Variants in BRINP3 observed in about 807,000 individuals in gnomAD.
BRINP3 encodes BMP/retinoic acid-inducible neural-specific protein 3.
A neutral mutation model predicts 71.0 loss-of-function variants in BRINP3; 19 were observed. That is an observed-to-expected ratio of 0.27 (90% CI 0.19 to 0.39). BRINP3 has a LOEUF of 0.39. Among genes scored for constraint, BRINP3 ranks in the 10% least tolerant of loss-of-function variants. The probability of loss-of-function intolerance (pLI) is 1.00; values close to 1 mark genes in which losing one functional copy is unlikely to be tolerated. For synonymous variants in BRINP3, 380 were observed against 337.7 expected, an observed-to-expected ratio of 1.13 and a Z score of -1.37; for missense variants, 959 against 940.8, an observed-to-expected ratio of 1.02 and a Z score of -0.25.
At chr1:190,276,882 A>G (rs909756903) in intron 3 of BRINP3, among the ~76,000 whole-genome samples, 1 of 150,788 alleles carries the variant, frequency 6.6e-6, no homozygotes, top group Admixed American at 6.7e-5. Context: ...CAGAAAAAAA[A>G]TTAAAAGGAC....
chr1:190,266,390 A>T (rs956569906), intron 3 of BRINP3, among the ~76,000 whole-genome samples: 1 of 152,190 alleles, frequency 6.6e-6, no homozygotes, highest in Non-Finnish European at 1.5e-5. Flanking sequence ...TTCAACAAAT[A>T]TTATTTCTAA....
chr1:190,180,340 C>G (rs2102532325), intron 6 of BRINP3, among the ~76,000 whole-genome samples: 1 of 152,170 alleles, frequency 6.6e-6, no homozygotes, highest in Admixed American at 6.6e-5. Flanking sequence ...ATGTGCACTT[C>G]TATAGATATA....
intron 6 of BRINP3, among the ~76,000 whole-genome samples, chr1:190,205,511 C>A (rs897801533): frequency 4.6e-5 from 7 of 151,974 alleles, no homozygotes; most frequent in African/African-American, 1.7e-4. Flanking sequence ...GGGAGTTGGG[C>A]AAAAGGTGCA....
At chr1:190,114,363 T>C (rs904515416) in intron 7 of BRINP3, among the ~76,000 whole-genome samples, 1 of 152,124 alleles carries the variant, frequency 6.6e-6, no homozygotes, top group African/African-American at 2.4e-5. Flanking sequence ...CTCAGGTATT[T>C]ATAATAATGC....
chr1:190,209,711 T>C (rs1005144403), intron 6 of BRINP3, among the ~76,000 whole-genome samples: 1 of 152,152 alleles, frequency 6.6e-6, no homozygotes, highest in Non-Finnish European at 1.5e-5. Context: ...TTTCACATAA[T>C]ATATCTTGAC....
chr1:190,378,798 A>T (rs1452685746), intron 2 of BRINP3, among the ~76,000 whole-genome samples: 1 of 152,130 alleles, frequency 6.6e-6, no homozygotes, highest in African/African-American at 2.4e-5. Context: ...TAGCAGTCCC[A>T]TTATAAGATC....
intron 6 of BRINP3, among the ~76,000 whole-genome samples, chr1:190,201,880 G>T (rs926136175): frequency 2.6e-5 from 4 of 152,184 alleles, no homozygotes; most frequent in South Asian, 4.1e-4. Flanking sequence ...CCAGGCAGAA[G>T]TTTGTTGCAG....
chr1:190,110,269 T>G (rs1652551553), intron 7 of BRINP3, among the ~76,000 whole-genome samples: 1 of 152,142 alleles, frequency 6.6e-6, no homozygotes, highest in African/African-American at 2.4e-5. Flanking sequence ...GTAGAACTCA[T>G]GCTCTCAACC....
intron 1 of BRINP3, chr1:190,474,449 A>C (rs1007325366): frequency 1.3e-5 from 2 of 152,794 alleles, no homozygotes; most frequent in East Asian, 3.9e-4. Flanking sequence ...TGTAACACGC[A>C]AAAGAAAGTC....
intron 7 of BRINP3, among the ~76,000 whole-genome samples, chr1:190,130,809 G>A (rs1654475664): frequency 6.6e-6 from 1 of 151,940 alleles, no homozygotes; most frequent in Non-Finnish European, 1.5e-5. Flanking sequence ...AACAGGCGGT[G>A]CTTTCCCACA....
intron 7 of BRINP3, among the ~76,000 whole-genome samples, chr1:190,133,241 T>G (rs1654689798): frequency 6.6e-6 from 1 of 152,160 alleles, no homozygotes; most frequent in Non-Finnish European, 1.5e-5. Flanking sequence ...CTTGTAACAC[T>G]GCATCTATGG....
chr1:190,413,347 C>T (rs979170751), intron 2 of BRINP3, among the ~76,000 whole-genome samples: 1 of 152,100 alleles, frequency 6.6e-6, no homozygotes, highest in African/African-American at 2.4e-5. Flanking sequence ...GATGATGTCA[C>T]CTATAAAGGC....
chr1:190,301,175 AC>A (rs1664666248), intron 2 of BRINP3, among the ~76,000 whole-genome samples: 2 of 55,742 alleles, frequency 3.6e-5, no homozygotes, highest in Non-Finnish European at 7.5e-5. Context: ...ACATATATAT[AC>A]ATATATATAT....
At chr1:190,122,057 T>C (rs1347936512) in intron 7 of BRINP3, among the ~76,000 whole-genome samples, 1 of 152,170 alleles carries the variant, frequency 6.6e-6, no homozygotes, top group Non-Finnish European at 1.5e-5. Flanking sequence ...ATGTTTCAAC[T>C]GACATGATTC....
chr1:190,201,206 A>G (rs891951703), intron 6 of BRINP3, among the ~76,000 whole-genome samples: 1 of 152,180 alleles, frequency 6.6e-6, no homozygotes. Flanking sequence ...GAACTTGTTG[A>G]CAATTGGAGC....
At chr1:190,229,687 C>CACACACAA (rs1321166840) in intron 5 of BRINP3, among the ~76,000 whole-genome samples, 2 of 145,678 alleles carry the variant, frequency 1.4e-5, no homozygotes, top group Non-Finnish European at 3.0e-5. Context: ...CACACACACA[C>CACACACAA]ACAAAGAAAC....
chr1:190,208,907 A>T (rs570115635), intron 6 of BRINP3, among the ~76,000 whole-genome samples: 1 of 152,152 alleles, frequency 6.6e-6, no homozygotes, highest in Non-Finnish European at 1.5e-5. Context: ...AAAGTAAAAA[A>T]AAATACAATC....
intron 2 of BRINP3, among the ~76,000 whole-genome samples, chr1:190,324,585 A>C (rs1463373416): frequency 6.6e-6 from 1 of 151,968 alleles, no homozygotes; most frequent in Non-Finnish European, 1.5e-5. Context: ...ATATTTGCTT[A>C]AGTTTGGTAA....
rs1404946064 is a variant in BRINP3, at chr1:190,245,819, C to T, written c.619-11342G>A. Among the ~76,000 whole-genome samples the T allele has an allele frequency of 2.1e-5, 3 of 142,580 alleles. No individual in the cohort carries two copies. In the East Asian group the frequency reaches 6.4e-4, roughly 30 times the overall value. The allele number at this position is 142,580 out of a possible 152,430, so 93.5% of individuals were successfully genotyped here. A position where few individuals can be genotyped will look rare whatever the true frequency, so the allele number is the denominator to read the frequency against. ...TTCCTGTGTCCATGTGTTCTCAATG[C>T]TCAGTTCCCACCTATGAGTGAGAAC... On this transcript the variant is annotated intron_variant, in intron 4 of 7. Coordinates refer to ENST00000367462, the MANE Select transcript of BRINP3 (RefSeq NM_199051.3).
Sources: allele counts gnomAD v4.1 joint callset (sites outside exome capture counted in the v4.1 genomes callset), GRCh38; gene constraint gnomAD v4.1.1; transcripts MANE v1.5; gene names NCBI Gene and HGNC (gene_info 2026-07-23, HGNC 2026-07-21).